The following COL20A1 variants were observed in gnomAD, a reference collection of about 807,000 sequenced individuals.
COL20A1 encodes the protein collagen type XX alpha 1 chain.
Under a neutral mutation model 152.9 loss-of-function variants are expected in COL20A1, and 164 were observed. The ratio of observed to expected loss-of-function variants is 1.07; its 90% confidence interval spans 0.94 to 1.22. The LOEUF (loss-of-function observed/expected upper bound fraction) is 1.22, where lower values mean the gene tolerates loss of function less well. Among genes scored for constraint, COL20A1 ranks in the 50% most tolerant of loss-of-function variants. The pLI, the probability that COL20A1 is intolerant of heterozygous loss-of-function variation, is 0.00. For synonymous variants in COL20A1, 864 were observed against 756.0 expected (o/e 1.14, Z -2.34); for missense variants, 1,873 against 1,744.8 (o/e 1.07, Z -1.31).
At chr20:63,322,725 G>A (rs1164597496) in intron 27 of COL20A1, among the ~76,000 whole-genome samples, 1 of 152,232 alleles carries the variant, frequency 6.6e-6, no homozygotes, top group Non-Finnish European at 1.5e-5. Flanking sequence ...TACTGCACAA[G>A]CGTGACACAG....
At position 63,306,363 on chromosome 20, in the gene COL20A1, T is replaced by C. The variant is rs916380777; in HGVS notation, c.496+324T>C. On this transcript the variant is annotated intron_variant, in intron 5 of 35. Coordinates refer to ENST00000358894, the MANE Select transcript of COL20A1 (RefSeq NM_020882.4). This position sits in a 1 kb window ranked among gnomAD's most constrained non-coding sequence, Gnocchi z 6.9. ...GGTCTCTGACCACGAGGCCGGGAAG[T>C]TCTTCCTCGTGTCTGACCACACGGT... Among the ~76,000 whole-genome samples the C allele has an allele frequency of 6.6e-6, 1 of 151,840 alleles. No individual in the cohort carries two copies. The highest frequency in any genetic ancestry group is 1.5e-5 in the Non-Finnish European group (1 of 67,962).
At chr20:63,298,066 C>A (rs138784279) in intron 3 of COL20A1, 46 bp downstream of exon 3, 1 of 1,374,588 alleles carries the variant, frequency 7.3e-7, no homozygotes, top group Non-Finnish European at 1.0e-6. Context: ...TAGCACGTGC[C>A]GAGGACAGTC....
At position 63,311,561 on chromosome 20, in the gene COL20A1, C is replaced by T. The variant is rs537704061; in HGVS notation, c.1539+22C>T. 6.3e-6 allele frequency: 10 copies of T among 1,589,320 alleles called. No homozygotes were observed. Among genetic ancestry groups the T allele is most frequent in the African/African-American group, 5.4e-5 (4 of 74,646 alleles). On this transcript the variant is annotated intron_variant, in intron 12 of 35. Transcript: ENST00000358894. This position sits in a 1 kb window ranked among gnomAD's most constrained non-coding sequence, Gnocchi z 4.4. ...AGAGGTGAGCTGGGCCGGGGGGTGGCGGGGGAGGCAGAGGAGTGGGGCAGA... is the reference window on the plus strand; with the variant it reads ...AGAGGTGAGCTGGGCCGGGGGGTGGTGGGGGAGGCAGAGGAGTGGGGCAGA...
Position 63,305,406 on chromosome 20 carries a change from C to T in COL20A1, c.194-11C>T, listed in dbSNP as rs188763243. Reference sequence around the variant, plus strand: ...ACCTTGGCCTCTAAAGCTCTCCCCACCCCTACCCAGGGGACTCGGAACAGG... The same window carrying T: ...ACCTTGGCCTCTAAAGCTCTCCCCATCCCTACCCAGGGGACTCGGAACAGG... On this transcript the variant is annotated splice_polypyrimidine_tract_variant and intron_variant, in intron 3 of 35. Transcript: ENST00000358894. The surrounding 1 kb of genome is among the most constrained non-coding windows in gnomAD (Gnocchi z 4.9). 18 of 1,503,992 alleles carry T rather than the reference C, an allele frequency of 1.2e-5. No individual in the cohort carries two copies. In the East Asian group the frequency reaches 1.2e-4, roughly 10 times the overall value. 93.2% of individuals were successfully genotyped at this position (1,503,992 alleles called of 1,614,324 possible).
intron 31 of COL20A1, chr20:63,327,661 C>A: frequency 2.0e-6 from 1 of 492,808 alleles, no homozygotes. Context: ...GTGTCCCACA[C>A]CCGCCATCTC....
intron 2 of COL20A1, among the ~76,000 whole-genome samples, chr20:63,295,929 G>A (rs923644557): frequency 2.0e-5 from 3 of 152,380 alleles, no homozygotes; most frequent in Admixed American, 2.0e-4. Context: ...GAGGTTCCGG[G>A]CTCCCACTGA....
chr20:63,330,400 A>T (rs2068317764), intron 35 of COL20A1, among the ~76,000 whole-genome samples: 1 of 152,110 alleles, frequency 6.6e-6, no homozygotes, highest in Admixed American at 6.5e-5. Flanking sequence ...CAGGAGACCC[A>T]GGGGCTCCTG....
At position 63,305,666 on chromosome 20, in the gene COL20A1, G is replaced by A. The variant is rs546831927; in HGVS notation, c.337+106G>A. 34 of 1,304,616 alleles carry A rather than the reference G, an allele frequency of 2.6e-5. No homozygotes were observed. In the African/African-American group the frequency reaches 5.0e-4, roughly 19 times the overall value. The allele number at this position is 1,304,616 out of a possible 1,614,324, so 80.8% of individuals were successfully genotyped here. A position where few individuals can be genotyped will look rare whatever the true frequency, so the allele number is the denominator to read the frequency against. On this transcript the variant is annotated intron_variant, in intron 4 of 35. Coordinates refer to ENST00000358894, the MANE Select transcript of COL20A1 (RefSeq NM_020882.4). The surrounding 1 kb of genome is among the most constrained non-coding windows in gnomAD (Gnocchi z 4.9). Reference sequence around the variant, plus strand: ...TCCAGGCTGCGTTCCAGCCCCAGGGGTGGGTATGTGTGAAGCAGTTCTGGG... The same window carrying A: ...TCCAGGCTGCGTTCCAGCCCCAGGGATGGGTATGTGTGAAGCAGTTCTGGG...
Position 63,329,635 on chromosome 20 carries a change from A to G in COL20A1, c.3832A>G (p.Ser1278Gly), listed in dbSNP as rs574802277. Residue 1278 changes from serine (S) to glycine (G), a missense_variant, in exon 35 of 36, where the codon AGC becomes GGC. Coordinates refer to ENST00000358894, the MANE Select transcript of COL20A1 (RefSeq NM_020882.4). ...GGGCAGCCCTGGGCAGCAGGGGGCT[A>G]GCACCCAGGGCCTCTGGGAGTGACA... ...QMGSPGQQGA[S>G]TQGLWE 9.4e-6 allele frequency: 15 copies of G among 1,603,786 alleles called. No homozygotes were observed. The African/African-American group carries it at 1.6e-4, about 17-fold the overall frequency.
chr20:63,312,211 G>A (rs1042200111), intron 14 of COL20A1, among the ~76,000 whole-genome samples, 156 bp downstream of exon 14: 2 of 152,198 alleles, frequency 1.3e-5, no homozygotes, highest in Admixed American at 6.5e-5. Flanking sequence ...AGATGTGGGT[G>A]TGGGGTCTGG....
At position 63,312,493 on chromosome 20, in the gene COL20A1, T is replaced by C. The variant is rs909526211; in HGVS notation, c.1877T>C (p.Val626Ala). The C allele has an allele frequency of 6.2e-7, 1 of 1,608,654 alleles. No homozygotes were observed. The highest frequency in any genetic ancestry group is 1.3e-5 in the African/African-American group (1 of 74,950). ...LSSSTTYTVR[V>A]TCLYPGGGSS... ...TCCTCCACCACCTACACTGTCCGTGTCACCTGCCTCTACCCTGGGGGTGGC... is the reference window on the plus strand; with the variant it reads ...TCCTCCACCACCTACACTGTCCGTGCCACCTGCCTCTACCCTGGGGGTGGC... Residue 626 changes from valine (V) to alanine (A), a missense_variant, in exon 15 of 36, where the codon GTC (valine) becomes GCC (alanine). Val to Ala is a moderately conservative substitution (Grantham distance 64, BLOSUM62 0). Coordinates refer to ENST00000358894, the MANE Select transcript of COL20A1 (RefSeq NM_020882.4).
chr20:63,327,798 T>C (rs988738196), intron 31 of COL20A1, 154 bp from the exon 32 acceptor site: 7 of 740,080 alleles, frequency 9.5e-6, no homozygotes, highest in Admixed American at 2.3e-5. Context: ...GACCACAGGC[T>C]CCTAGGATCT....
Position 63,311,954 on chromosome 20 carries a change from G to C in COL20A1, c.1702G>C (p.Val568Leu), listed in dbSNP as rs188950518. 2 of 1,590,486 alleles carry C rather than the reference G, an allele frequency of 1.3e-6. No homozygotes were observed. Among genetic ancestry groups the C allele is most frequent in the Non-Finnish European group, 1.7e-6 (2 of 1,170,754 alleles). Residue 568 changes from valine to leucine, a missense_variant, in exon 14 of 36, where the codon GTG (valine) becomes CTG (leucine). Coordinates refer to ENST00000358894, the MANE Select transcript of COL20A1 (RefSeq NM_020882.4). The surrounding 1 kb of genome is among the most constrained non-coding windows in gnomAD (Gnocchi z 4.4). ...CCCGAGACACCTGGGCTTCTCAGAC[G>C]TGAGCCACGACGCGGCACGAGTGTT... is the stretch of plus-strand genomic sequence containing the variant. Reference protein sequence around the residue: ...APPRHLGFSDVSHDAARVFWE... With the variant: ...APPRHLGFSDLSHDAARVFWE...
chr20:63,309,700 C>T (rs1201089117), intron 9 of COL20A1, 58 bp from the exon 10 acceptor site: 23 of 1,435,552 alleles, frequency 1.6e-5, no homozygotes, highest in East Asian at 1.0e-4. Flanking sequence ...CCAGGGGGAG[C>T]GTGGACACAG....
At chr20:63,329,712 A>T (rs2068307191) in intron 35 of COL20A1, 51 bp downstream of exon 35, 7 of 1,352,622 alleles carry the variant, frequency 5.2e-6, no homozygotes, top group Non-Finnish European at 6.0e-6. Flanking sequence ...GCATCCAGGA[A>T]GGAGGAGCTC....
At position 63,319,049 on chromosome 20, in the gene COL20A1, C is replaced by T; in HGVS notation, c.2664-9C>T. The stretch of plus-strand genomic sequence containing the variant: ...GCTCATGTGCCTCTCCCTCCCCCAA[C>T]CCCCACAGTGACGTCTACCCAGCCC... On this transcript the variant is annotated splice_polypyrimidine_tract_variant and intron_variant, in intron 21 of 35. Transcript: ENST00000358894. This position sits in a 1 kb window ranked among gnomAD's most constrained non-coding sequence, Gnocchi z 4.4. 6.4e-7 allele frequency: 1 copy of T among 1,573,438 alleles called. No homozygotes were observed. Among genetic ancestry groups the T allele is most frequent in the African/African-American group, 1.4e-5 (1 of 73,078 alleles).
At position 63,311,872 on chromosome 20, in the gene COL20A1, A is replaced by G. The variant is rs2068012275; in HGVS notation, c.1664-44A>G. On this transcript the variant is annotated intron_variant, in intron 13 of 35. Transcript: ENST00000358894. The surrounding 1 kb of genome is among the most constrained non-coding windows in gnomAD (Gnocchi z 4.4). ...GCCACTGCCCACCCTTGCCCCTGCCATGGAGGCCGCGTGCTGGCCTTGAGG... is the reference window on the plus strand; with the variant it reads ...GCCACTGCCCACCCTTGCCCCTGCCGTGGAGGCCGCGTGCTGGCCTTGAGG... 4 of 1,508,190 alleles carry G rather than the reference A, an allele frequency of 2.7e-6. No homozygotes were observed. Among genetic ancestry groups the G allele is most frequent in the Non-Finnish European group, 3.5e-6 (4 of 1,128,990 alleles). The allele number at this position is 1,508,190 out of a possible 1,614,324, so 93.4% of individuals were successfully genotyped here.
Position 63,328,017 on chromosome 20 carries a change from T to C in COL20A1, c.3564+30T>C, listed in dbSNP as rs8126037. On this transcript the variant is annotated intron_variant, in intron 32 of 35. Coordinates refer to ENST00000358894, the MANE Select transcript of COL20A1 (RefSeq NM_020882.4). Reference sequence around the variant, plus strand: ...GTGAGGCTGAGATCTTTGGCTCACTTGGGATCTCCTGGGAAGGCACCTGCC... The same window carrying C: ...GTGAGGCTGAGATCTTTGGCTCACTCGGGATCTCCTGGGAAGGCACCTGCC... 13,311 of 1,611,942 alleles carry C rather than the reference T, an allele frequency of 8.3e-3. 780 individuals are homozygous for C. The African/African-American group carries it at 0.14, about 17-fold the overall frequency.
At position 63,333,675 on chromosome 20, in the gene COL20A1, G is replaced by A. The variant is rs1419931238; in HGVS notation, c.*2959G>A. The A allele has an allele frequency of 6.6e-6, 1 of 152,582 alleles. No homozygotes were observed. The highest frequency in any genetic ancestry group is 1.5e-5 in the Non-Finnish European group (1 of 68,332). 9.5% of individuals were successfully genotyped at this position (152,582 alleles called of 1,614,324 possible). On this transcript the variant is annotated 3_prime_UTR_variant, in exon 36 of 36. Transcript: ENST00000358894. Reference sequence around the variant, plus strand: ...AGGAAGGCGGGTGCGTGCAGGCCTGGGAGGAATGTGTAGCAGGAGGCAGGG... The same window carrying A: ...AGGAAGGCGGGTGCGTGCAGGCCTGAGAGGAATGTGTAGCAGGAGGCAGGG...
Sources: allele counts gnomAD v4.1 joint callset (sites outside exome capture counted in the v4.1 genomes callset), GRCh38; gene constraint gnomAD v4.1.1; non-coding constraint Gnocchi (gnomAD v3.1); transcripts MANE v1.5; gene names NCBI Gene and HGNC (gene_info 2026-07-23, HGNC 2026-07-21).